Variants in THRB observed in about 807,000 individuals in gnomAD.
The protein encoded by THRB is nuclear receptor subfamily 1 group A member 2.
In THRB, 12 loss-of-function variants were observed where a neutral mutation model predicts 47.8. The ratio of observed to expected loss-of-function variants is 0.25; its 90% CI spans 0.16 to 0.41. The LOEUF (loss-of-function observed/expected upper bound fraction) is 0.41, where lower values mean the gene tolerates loss of function less well. Ranked by LOEUF, THRB falls within the 10% of genes least tolerant of loss-of-function variation. The pLI is 1.00. For synonymous variants in THRB, 218 were observed against 212.2 expected, an observed-to-expected ratio of 1.03 and a Z score of -0.24; for missense variants, 348 against 589.2, an observed-to-expected ratio of 0.59 and a Z score of 4.24.
chr3:24,187,004 A>C (rs1368181855), intron 5 of THRB, among the ~76,000 whole-genome samples: 17 of 151,566 alleles, frequency 1.1e-4, no homozygotes. Context: ...AAAACCTTAG[A>C]TAGCTACCCA....
intron 1 of THRB, chr3:24,459,433 T>A (rs1265965666): frequency 6.6e-6 from 1 of 152,204 alleles, no homozygotes; most frequent in Admixed American, 6.5e-5. Context: ...TACCTGTGCA[T>A]GTGTCTTTAC....
At chr3:24,476,738 G>T (rs1376169093) in intron 1 of THRB, among the ~76,000 whole-genome samples, 1 of 152,136 alleles carries the variant, frequency 6.6e-6, no homozygotes, top group Admixed American at 6.5e-5. Flanking sequence ...TTCATTAAAG[G>T]TATGGTTTTT....
chr3:24,268,209 A>G lies in THRB; in HGVS notation c.-43+29017T>C, dbSNP rs550824773. 1.7e-4 allele frequency among the ~76,000 whole-genome samples: 26 copies of G among 152,062 alleles called. 1 individual carries two copies. The highest frequency in any genetic ancestry group is 6.8e-3 in the Middle Eastern group (2 of 294). Reference sequence around the variant, plus strand: ...AGGCACCCCTCAGTGATTCTTGAAAAAACAGCCAAACAAACAAAAAAACTG... The same window carrying G: ...AGGCACCCCTCAGTGATTCTTGAAAGAACAGCCAAACAAACAAAAAAACTG... On this transcript the variant is annotated intron_variant, in intron 3 of 10. Transcript: ENST00000646209.
chr3:24,378,273 A>G (rs1024495504), intron 1 of THRB, among the ~76,000 whole-genome samples: 1 of 152,202 alleles, frequency 6.6e-6, no homozygotes, highest in Non-Finnish European at 1.5e-5. Flanking sequence ...ATAAGAAAAG[A>G]TTGTTTGTGC....
chr3:24,202,474 G>A (rs1249823371), intron 4 of THRB, among the ~76,000 whole-genome samples: 1 of 152,110 alleles, frequency 6.6e-6, no homozygotes, highest in Non-Finnish European at 1.5e-5. Flanking sequence ...GGTTGCTGAT[G>A]ATGATTTTTA....
At chr3:24,237,145 C>T (rs1034183919) in intron 3 of THRB, among the ~76,000 whole-genome samples, 11 of 152,108 alleles carry the variant, frequency 7.2e-5, no homozygotes, top group African/African-American at 1.4e-4. Context: ...CTGTCTGTAC[C>T]GTATCCCAGG....
Position 24,212,352 on chromosome 3 carries a change from C to T in THRB, c.22+16586G>A, listed in dbSNP as rs561322595. ...GGCGGAGGTTGTAGGGAGCCGAGAT[C>T]GCTCCCTTGCACTCCAGCCTGGGTG... On this transcript the variant is annotated intron_variant, in intron 4 of 10. Coordinates refer to ENST00000646209, the MANE Select transcript of THRB (RefSeq NM_001354712.2). 1.5e-3 allele frequency among the ~76,000 whole-genome samples: 235 copies of T among 152,094 alleles called. 4 individuals are homozygous for T. Among genetic ancestry groups the T allele is most frequent in the African/African-American group, 5.3e-3 (221 of 41,494 alleles).
Position 24,306,663 on chromosome 3 carries a change from C to T in THRB, c.-188-9292G>A, listed in dbSNP as rs530597442. ...TCTAAGGCATAGCATACTTTGGCTA[C>T]TGGGTCAAGAAACAAAGTGTTAGGC... is the stretch of plus-strand genomic sequence containing the variant. On this transcript the variant is annotated intron_variant, in intron 2 of 10. Transcript: ENST00000646209. Among the ~76,000 whole-genome samples the T allele has an allele frequency of 7.2e-5, 11 of 152,118 alleles. No individual in the cohort carries two copies. The South Asian group carries it at 2.3e-3, about 32-fold the overall frequency.
Position 24,178,800 on chromosome 3 carries a change from G to A in THRB, c.283+11274C>T, listed in dbSNP as rs896520971. 4.6e-5 allele frequency among the ~76,000 whole-genome samples: 7 copies of A among 152,076 alleles called. No individual in the cohort carries two copies. In the East Asian group the frequency reaches 5.8e-4, roughly 13 times the overall value. On this transcript the variant is annotated intron_variant, in intron 5 of 10. Transcript: ENST00000646209. ...GGGTAGGTAGAACAGATAGATGTTCGTCAAAGGGTACATAATTTCAGTTAG... is the reference window on the plus strand; with the variant it reads ...GGGTAGGTAGAACAGATAGATGTTCATCAAAGGGTACATAATTTCAGTTAG...
chr3:24,160,471 T>C (rs1227052155), intron 5 of THRB, among the ~76,000 whole-genome samples: 3 of 151,852 alleles, frequency 2.0e-5, no homozygotes, highest in Admixed American at 6.6e-5. Flanking sequence ...TATCTGCGGA[T>C]AAGGAAAGCA....
chr3:24,239,648 G>A (rs887762241), intron 3 of THRB, among the ~76,000 whole-genome samples: 1 of 152,044 alleles, frequency 6.6e-6, no homozygotes, highest in South Asian at 2.1e-4. Flanking sequence ...GGATGGGTAG[G>A]TCTGGGTAGG....
chr3:24,460,806 G>A (rs1210223818), intron 1 of THRB, among the ~76,000 whole-genome samples: 3 of 152,150 alleles, frequency 2.0e-5, no homozygotes, highest in Admixed American at 6.5e-5. Flanking sequence ...CAGACAAAAC[G>A]TCACAATTTT....
intron 4 of THRB, among the ~76,000 whole-genome samples, chr3:24,208,628 G>A (rs1386968735): frequency 1.3e-5 from 2 of 152,150 alleles, no homozygotes; most frequent in Admixed American, 1.3e-4. Flanking sequence ...AATGGTGCTG[G>A]GAAAACTGGG....
At chr3:24,370,820 C>T (rs984063010) in intron 1 of THRB, among the ~76,000 whole-genome samples, 2 of 152,134 alleles carry the variant, frequency 1.3e-5, no homozygotes, top group East Asian at 3.9e-4. Context: ...GCTACTCTGG[C>T]TCCAGCTTCA....
intron 3 of THRB, among the ~76,000 whole-genome samples, chr3:24,236,704 A>T (rs926995018): frequency 4.6e-5 from 7 of 152,076 alleles, no homozygotes; most frequent in African/African-American, 9.7e-5. Context: ...GTGAAAAAAA[A>T]TTTTTCCCTT....
At chr3:24,152,998 G>T (rs1278259955) in intron 5 of THRB, among the ~76,000 whole-genome samples, 1 of 150,516 alleles carries the variant, frequency 6.6e-6, no homozygotes, top group Admixed American at 6.6e-5. Flanking sequence ...AAGAAAGAAA[G>T]AAAGAAAGAT....
At chr3:24,364,539 A>T (rs1479078739) in intron 1 of THRB, among the ~76,000 whole-genome samples, 2 of 152,206 alleles carry the variant, frequency 1.3e-5, no homozygotes, top group Admixed American at 6.5e-5. Context: ...GAAAACTGAG[A>T]TCTGAAAAGA....
intron 1 of THRB, among the ~76,000 whole-genome samples, chr3:24,480,138 C>A (rs1316102499): frequency 6.6e-6 from 1 of 152,218 alleles, no homozygotes; most frequent in African/African-American, 2.4e-5. Context: ...CCTACTGGTA[C>A]TTTCTTTACC....
At chr3:24,443,778 T>C (rs1043165581) in intron 1 of THRB, among the ~76,000 whole-genome samples, 4 of 152,210 alleles carry the variant, frequency 2.6e-5, no homozygotes, top group Non-Finnish European at 5.9e-5. Context: ...TAATTCTTAC[T>C]GGATACTCAT....
Sources: allele counts gnomAD v4.1 joint callset (sites outside exome capture counted in the v4.1 genomes callset), GRCh38; gene constraint gnomAD v4.1.1; transcripts MANE v1.5; gene names NCBI Gene and HGNC (gene_info 2026-07-23, HGNC 2026-07-21).